Variants in NOL4 observed in about 807,000 individuals in gnomAD.
The protein encoded by NOL4 is cancer/testis antigen 125.
A neutral mutation model predicts 75.9 loss-of-function variants in NOL4; 17 were observed. The observed-to-expected ratio is 0.22, with a 90% CI of 0.15 to 0.34. The LOEUF (loss-of-function observed/expected upper bound fraction) is 0.34, where lower values mean the gene tolerates loss of function less well. Ranked by LOEUF, NOL4 falls within the 10% of genes least tolerant of loss-of-function variation. The probability of loss-of-function intolerance (pLI) is 1.00; values close to 1 mark genes in which losing one functional copy is unlikely to be tolerated. For missense variants in NOL4, 614 were observed against 793.5 expected (o/e 0.77, Z 2.72); for synonymous variants, 292 against 289.9 (o/e 1.01, Z -0.07).
intron 1 of NOL4, among the ~76,000 whole-genome samples, chr18:34,188,623 C>G (rs1048222356): frequency 6.6e-6 from 1 of 152,154 alleles, no homozygotes; most frequent in Non-Finnish European, 1.5e-5. Context: ...ATTGAATACT[C>G]TACCAATAGT....
intron 5 of NOL4, among the ~76,000 whole-genome samples, chr18:34,035,127 A>G (rs918619787): frequency 2.0e-5 from 3 of 152,212 alleles, no homozygotes; most frequent in Admixed American, 6.5e-5. Context: ...GACATTTAAA[A>G]AAACATTACA....
At chr18:33,894,370 C>G (rs1040134476) in intron 9 of NOL4, among the ~76,000 whole-genome samples, 1 of 152,100 alleles carries the variant, frequency 6.6e-6, no homozygotes, top group African/African-American at 2.4e-5. Context: ...TACAACAACA[C>G]ACAGGAAATA....
At chr18:33,983,898 A>C (rs977285307) in intron 6 of NOL4, among the ~76,000 whole-genome samples, 1 of 152,100 alleles carries the variant, frequency 6.6e-6, no homozygotes. Context: ...AGTAGTACTA[A>C]TTAAAAATTA....
At chr18:33,877,649 C>T (rs1403651911) in intron 10 of NOL4, among the ~76,000 whole-genome samples, 2 of 151,870 alleles carry the variant, frequency 1.3e-5, no homozygotes, top group Non-Finnish European at 2.9e-5. Flanking sequence ...GAGAAACATA[C>T]AGAAAAAATA....
At chr18:33,919,730 T>C (rs1282639195) in intron 9 of NOL4, among the ~76,000 whole-genome samples, 3 of 152,216 alleles carry the variant, frequency 2.0e-5, no homozygotes, top group Non-Finnish European at 4.4e-5. Context: ...GTAATTACAG[T>C]GGGCTCCAAT....
chr18:34,192,638 T>A (rs1409178420), intron 1 of NOL4, among the ~76,000 whole-genome samples: 1 of 152,328 alleles, frequency 6.6e-6, no homozygotes, highest in Non-Finnish European at 1.5e-5. Context: ...TAAATGGTAT[T>A]GGGACAACTT....
intron 9 of NOL4, among the ~76,000 whole-genome samples, chr18:33,923,322 C>T (rs911044873): frequency 6.6e-6 from 1 of 151,878 alleles, no homozygotes; most frequent in Non-Finnish European, 1.5e-5. Context: ...AAACTTTTAT[C>T]CTTTTTGTGT....
In NOL4 at chr18:34,043,735, T is replaced by C. The variant is rs945386769; in HGVS notation, c.773-24134A>G. On this transcript the variant is annotated intron_variant, in intron 5 of 10. Coordinates refer to ENST00000261592, the MANE Select transcript of NOL4 (RefSeq NM_003787.5). Reference sequence around the variant, plus strand: ...AATGTAAATTAAAGGGTGCACAGTGTAAGGGTTAAGGGATAAGTTTTCTTT... The same window carrying C: ...AATGTAAATTAAAGGGTGCACAGTGCAAGGGTTAAGGGATAAGTTTTCTTT... Among the ~76,000 whole-genome samples the C allele has an allele frequency of 7.9e-5, 12 of 152,236 alleles. No homozygotes were observed. In the South Asian group the frequency reaches 2.5e-3, roughly 32 times the overall value.
At chr18:34,115,968 G>A (rs1456738550) in intron 2 of NOL4, among the ~76,000 whole-genome samples, 2 of 152,038 alleles carry the variant, frequency 1.3e-5, no homozygotes, top group East Asian at 1.9e-4. Flanking sequence ...TTGAGTATTG[G>A]GAAACATGGA....
intron 6 of NOL4, among the ~76,000 whole-genome samples, chr18:33,976,075 T>A (rs1043672278): frequency 9.9e-5 from 15 of 152,230 alleles, no homozygotes; most frequent in Admixed American, 7.9e-4. Flanking sequence ...CACAGAGAAA[T>A]TAAACACTGA....
intron 1 of NOL4, among the ~76,000 whole-genome samples, chr18:34,155,119 A>C (rs1205237084): frequency 6.6e-6 from 1 of 151,996 alleles, no homozygotes; most frequent in Admixed American, 6.6e-5. Flanking sequence ...CATACTTCGA[A>C]AAAATAAATC....
intron 1 of NOL4, among the ~76,000 whole-genome samples, chr18:34,136,054 T>C (rs772330640): frequency 2.6e-5 from 4 of 152,142 alleles, no homozygotes; most frequent in Non-Finnish European, 4.4e-5. Flanking sequence ...ATTAATTTAA[T>C]ATATCATATT....
intron 1 of NOL4, among the ~76,000 whole-genome samples, chr18:34,184,152 T>C (rs1411206875): frequency 2.0e-5 from 3 of 151,662 alleles, no homozygotes; most frequent in Admixed American, 2.0e-4. Flanking sequence ...TTGAACAAAA[T>C]GGCCCTGCAA....
chr18:34,139,078 C>T (rs570618023), intron 1 of NOL4, among the ~76,000 whole-genome samples: 2 of 152,246 alleles, frequency 1.3e-5, no homozygotes, highest in South Asian at 4.1e-4. Flanking sequence ...ATTTGAATTG[C>T]CAGTATTTTA....
chr18:34,147,203 C>A (rs189564084), intron 1 of NOL4, among the ~76,000 whole-genome samples: 2 of 151,902 alleles, frequency 1.3e-5, no homozygotes, highest in African/African-American at 4.8e-5. Context: ...ATTTGAATAC[C>A]CTTTATTTAT....
intron 9 of NOL4, among the ~76,000 whole-genome samples, chr18:33,923,163 T>C (rs1355191021): frequency 1.3e-5 from 2 of 152,106 alleles, no homozygotes; most frequent in Non-Finnish European, 2.9e-5. Flanking sequence ...AAGAATACCC[T>C]CATGGATTTG....
At chr18:34,102,583 C>G (rs1334242092) in intron 4 of NOL4, among the ~76,000 whole-genome samples, 1 of 151,930 alleles carries the variant, frequency 6.6e-6, no homozygotes, top group Non-Finnish European at 1.5e-5. Context: ...TTTAAAGGAT[C>G]TATTTCTTTT....
rs911490244 is a variant in NOL4 at position 34,042,057 on chromosome 18, A to C, written c.773-22456T>G. Among the ~76,000 whole-genome samples the C allele has an allele frequency of 3.3e-5, 5 of 152,168 alleles. No individual in the cohort carries two copies. The South Asian group carries it at 1.0e-3, about 31-fold the overall frequency. On this transcript the variant is annotated intron_variant, in intron 5 of 10. Coordinates refer to ENST00000261592, the MANE Select transcript of NOL4 (RefSeq NM_003787.5). ...ATAGGCATGAAGTCAGGAGCAAAAA[A>C]TGAAGACTTTTTTCTATAAATACAA...
intron 2 of NOL4, among the ~76,000 whole-genome samples, chr18:34,122,962 T>C (rs1016444148): frequency 6.6e-6 from 1 of 152,098 alleles, no homozygotes; most frequent in Non-Finnish European, 1.5e-5. Flanking sequence ...AAAGTAGTAA[T>C]TTACTAGGCT....
Sources: gnomAD v4.1 joint callset for allele counts (sites outside exome capture counted in the v4.1 genomes callset) on GRCh38, gnomAD v4.1.1 for gene constraint, MANE v1.5 for transcripts, NCBI Gene and HGNC (gene_info 2026-07-23, HGNC 2026-07-21) for gene names.